FMN2: variants seen among roughly 807,000 people sequenced by gnomAD.
FMN2 encodes formin 2, also known as formin-2.
FMN2 carries 51 observed loss-of-function variants against 142.3 expected under a neutral mutation model. The observed-to-expected ratio is 0.36, with a 90% CI of 0.29 to 0.45. The LOEUF is 0.45. Among genes scored for constraint, FMN2 ranks in the 20% least tolerant of loss-of-function variants. The probability of loss-of-function intolerance (pLI) is 1.00; values close to 1 mark genes in which losing one functional copy is unlikely to be tolerated. For synonymous variants in FMN2, 882 were observed against 869.8 expected (o/e 1.01, Z -0.25); for missense variants, 1,936 against 2,122.8 (o/e 0.91, Z 1.73).
At chr1:240,409,144 T>C (rs143423604) in intron 15 of FMN2, among the ~76,000 whole-genome samples, 4 of 152,264 alleles carry the variant, frequency 2.6e-5, no homozygotes, top group Non-Finnish European at 4.4e-5. Context: ...TCTTATTTTT[T>C]TACTTTTTAT....
chr1:240,210,555 G>A (rs1328463853), intron 5 of FMN2, among the ~76,000 whole-genome samples: 7 of 152,132 alleles, frequency 4.6e-5, no homozygotes, highest in Non-Finnish European at 8.8e-5. Context: ...ATATGACAGG[G>A]GAAGTTCTTG....
At chr1:240,343,684 T>A (rs1303136666) in intron 13 of FMN2, among the ~76,000 whole-genome samples, 1 of 152,068 alleles carries the variant, frequency 6.6e-6, no homozygotes, top group Non-Finnish European at 1.5e-5. Flanking sequence ...TGCAAGAAAA[T>A]TTGAATAGAT....
intron 2 of FMN2, among the ~76,000 whole-genome samples, chr1:240,175,003 C>T (rs1167285366): frequency 6.6e-6 from 1 of 152,134 alleles, no homozygotes; most frequent in Non-Finnish European, 1.5e-5. Flanking sequence ...CTCTCCAATC[C>T]GGGCAACCAC....
chr1:240,176,108 C>T (rs1664901650), intron 2 of FMN2, among the ~76,000 whole-genome samples: 1 of 152,064 alleles, frequency 6.6e-6, no homozygotes, highest in Non-Finnish European at 1.5e-5. Context: ...CTTTTGTTGT[C>T]ATATTCAAGA....
In FMN2 at chr1:240,211,210, C is replaced by T. The variant is rs1445228750; in HGVS notation, c.4040C>T (p.Thr1347Ile). 1.2e-6 allele frequency: 2 copies of T among 1,611,838 alleles called. No homozygotes were observed. Among genetic ancestry groups the T allele is most frequent in the East Asian group, 2.2e-5 (1 of 44,850 alleles). Residue 1347 changes from threonine (T) to isoleucine (I), a missense_variant, in exon 6 of 18, where the codon ACT becomes ATT. By Grantham distance (89) the Thr-to-Ile change is moderately conservative. Around this residue, in one of 8 missense-constraint regions of FMN2, gnomAD observed 259 missense variants for 230.9 expected, o/e 1.12. Transcript: ENST00000319653. ...GAGAGAAAGAAACCTATCTCTGATA[C>T]TATCTCAAAGACGAAGGCTAAACAA... ...VKERKKPISD[T>I]ISKTKAKQVV...
intron 3 of FMN2, among the ~76,000 whole-genome samples, chr1:240,180,979 C>T (rs1172953101): frequency 2.0e-5 from 3 of 151,484 alleles, no homozygotes; most frequent in Non-Finnish European, 2.9e-5. Context: ...CTGCGTGCTT[C>T]GTTCGTTGTT....
intron 4 of FMN2, among the ~76,000 whole-genome samples, chr1:240,200,968 G>T (rs1170569237): frequency 6.6e-6 from 1 of 152,094 alleles, no homozygotes; most frequent in East Asian, 1.9e-4. Flanking sequence ...ATTCAGATTT[G>T]GAATTTTGTC....
intron 2 of FMN2, among the ~76,000 whole-genome samples, chr1:240,135,783 G>A (rs1318837885): frequency 6.6e-6 from 1 of 151,202 alleles, no homozygotes; most frequent in East Asian, 1.9e-4. Flanking sequence ...GGGTTCAAGC[G>A]ATTCTCGTGT....
At chr1:240,407,805 C>T (rs1197047459) in intron 15 of FMN2, among the ~76,000 whole-genome samples, 2 of 152,164 alleles carry the variant, frequency 1.3e-5, no homozygotes, top group African/African-American at 4.8e-5. Flanking sequence ...AGGTCACACT[C>T]CCATTCCTGG....
intron 7 of FMN2, among the ~76,000 whole-genome samples, chr1:240,277,354 G>A (rs1017781486): frequency 1.1e-4 from 16 of 150,440 alleles, no homozygotes; most frequent in Admixed American, 6.0e-4. Flanking sequence ...TGATCAATCC[G>A]TTTAAGACCA....
intron 7 of FMN2, among the ~76,000 whole-genome samples, chr1:240,280,113 T>G (rs1669348350): frequency 6.6e-6 from 1 of 152,146 alleles, no homozygotes; most frequent in Non-Finnish European, 1.5e-5. Context: ...AGTTTTCTTT[T>G]TTTTATGAAT....
intron 14 of FMN2, among the ~76,000 whole-genome samples, chr1:240,386,184 AGT>A (rs1210505365): frequency 6.6e-6 from 1 of 151,066 alleles, no homozygotes; most frequent in East Asian, 2.2e-4. Context: ...CAAAAGGAAG[AGT>A]GTGTCAAAAA....
chr1:240,402,405 G>A (rs747356521), intron 15 of FMN2, among the ~76,000 whole-genome samples: 2 of 152,200 alleles, frequency 1.3e-5, no homozygotes, highest in Non-Finnish European at 2.9e-5. Flanking sequence ...TATAGCTTTC[G>A]AATAAATGGT....
intron 6 of FMN2, among the ~76,000 whole-genome samples, chr1:240,240,802 T>G (rs529239038): frequency 6.6e-6 from 1 of 152,238 alleles, no homozygotes; most frequent in African/African-American, 2.4e-5. Context: ...CAGACTTGTA[T>G]GCAACCAGAT....
chr1:240,406,047 G>C (rs910345807), intron 15 of FMN2, among the ~76,000 whole-genome samples: 3 of 142,098 alleles, frequency 2.1e-5, no homozygotes, highest in Non-Finnish European at 4.5e-5. Context: ...CAGGAGTCGG[G>C]GAAGCGAAGG....
chr1:240,250,754 C>G lies in FMN2; in HGVS notation c.4066-7191C>G, dbSNP rs956772316. On this transcript the variant is annotated intron_variant, in intron 6 of 17. Transcript: ENST00000319653. ...GTTGGGAGACTTTTTATTACTGATT[C>G]AATCTCACAACTCATTGTTAGTCTG... Among the ~76,000 whole-genome samples the G allele has an allele frequency of 3.3e-5, 5 of 151,994 alleles. No homozygotes were observed. In the South Asian group the frequency reaches 1.0e-3, roughly 32 times the overall value.
chr1:240,345,738 C>T lies in FMN2; in HGVS notation c.4766-10078C>T, dbSNP rs534856114. Among the ~76,000 whole-genome samples the T allele has an allele frequency of 3.3e-5, 5 of 152,216 alleles. 1 individual carries two copies. The South Asian group carries it at 1.0e-3, about 32-fold the overall frequency. On this transcript the variant is annotated intron_variant, in intron 13 of 17. Transcript: ENST00000319653. Reference sequence around the variant, plus strand: ...CCTCAAGTGATCCACCTGCCTCGGCCTCCCAAAGTGCTGGGATTACAGGCG... The same window carrying T: ...CCTCAAGTGATCCACCTGCCTCGGCTTCCCAAAGTGCTGGGATTACAGGCG...
chr1:240,361,309 G>C (rs1018471588), intron 14 of FMN2, among the ~76,000 whole-genome samples: 3 of 151,274 alleles, frequency 2.0e-5, no homozygotes, highest in African/African-American at 7.3e-5. Flanking sequence ...GAGGGACTTA[G>C]GCTTCATCCA....
At chr1:240,184,306 G>C (rs985086553) in intron 3 of FMN2, among the ~76,000 whole-genome samples, 5 of 130,440 alleles carry the variant, frequency 3.8e-5, no homozygotes, top group South Asian at 2.5e-4. Context: ...GCGCGATCTC[G>C]GCTCACTGCA....
Sources: allele counts gnomAD v4.1 joint callset (sites outside exome capture counted in the v4.1 genomes callset), GRCh38; gene constraint gnomAD v4.1.1; regional missense constraint gnomAD v4.1.1; transcripts MANE v1.5; gene names NCBI Gene and HGNC (gene_info 2026-07-23, HGNC 2026-07-21).